The following TBL1X variants were observed in gnomAD, a reference collection of about 807,000 sequenced individuals.
TBL1X encodes the protein F-box-like/WD repeat-containing protein TBL1X.
Under a neutral mutation model 50.7 loss-of-function variants are expected in TBL1X, and 10 were observed. The ratio of observed to expected loss-of-function variants is 0.20; its 90% CI spans 0.12 to 0.33. The LOEUF (loss-of-function observed/expected upper bound fraction) is 0.33, where lower values mean the gene tolerates loss of function less well. TBL1X is among the 10% of genes least tolerant of loss of function. The probability of loss-of-function intolerance (pLI) is 1.00; values close to 1 mark genes in which losing one functional copy is unlikely to be tolerated. For synonymous variants in TBL1X, 190 were observed against 214.7 expected, an observed-to-expected ratio of 0.88 and a Z score of 1.01; for missense variants, 340 against 504.4, an observed-to-expected ratio of 0.67 and a Z score of 3.12.
At chrX:9,502,758 T>G (rs2082007613) in intron 2 of TBL1X, among the ~76,000 whole-genome samples, 1 of 112,573 alleles carries the variant, frequency 8.9e-6, no homozygotes, top group Admixed American at 9.4e-5. Context: ...AGATTTCTAG[T>G]CTCTTGCCCT....
rs773470817 is a variant in TBL1X at position 9,711,787 on chromosome X, G to A, written c.1605+11G>A. ...ATCTGGAATACTCAGGTAAGCTCCC[G>A]ACCCCTACACCAAATCCTTTTAGTA... On this transcript the variant is annotated intron_variant, in intron 16 of 17. Coordinates refer to ENST00000645353, the MANE Select transcript of TBL1X (RefSeq NM_005647.4). 22 of 1,184,224 alleles carry A rather than the reference G, an allele frequency of 1.9e-5. No individual in the cohort carries two copies. The highest frequency in any genetic ancestry group is 2.3e-5 in the Admixed American group (1 of 43,811).
intron 2 of TBL1X, among the ~76,000 whole-genome samples, chrX:9,601,994 A>G (rs1238124685): frequency 8.9e-6 from 1 of 112,051 alleles, no homozygotes; most frequent in Non-Finnish European, 1.9e-5. Flanking sequence ...CAGTGAGCCG[A>G]GATTGCGCCA....
At chrX:9,539,645 GGTT>G (rs1244758216) in intron 2 of TBL1X, among the ~76,000 whole-genome samples, 1 of 111,825 alleles carries the variant, frequency 8.9e-6, no homozygotes, top group Admixed American at 9.5e-5. Context: ...AGCACTTCTG[GGTT>G]GTTTTGTGAT....
At chrX:9,466,962 A>G (rs1249822558) in intron 1 of TBL1X, among the ~76,000 whole-genome samples, 1 of 111,727 alleles carries the variant, frequency 9.0e-6, no homozygotes, top group Non-Finnish European at 1.9e-5. Flanking sequence ...GCAAATATGG[A>G]GATTTGTGGT....
chrX:9,709,624 G>A lies in TBL1X; in HGVS notation c.1312-9G>A, dbSNP rs1259469113. On this transcript the variant is annotated splice_polypyrimidine_tract_variant and intron_variant, in intron 14 of 17. Coordinates refer to ENST00000645353, the MANE Select transcript of TBL1X (RefSeq NM_005647.4). ...CTTTTGCTCATGTTGTGTCTGGTGT[G>A]TTCTGTAGATCTGGAGCATGAAACA... is the stretch of plus-strand genomic sequence containing the variant. 1 of 1,207,560 alleles carries A rather than the reference G, an allele frequency of 8.3e-7. No homozygotes were observed. Among genetic ancestry groups the A allele is most frequent in the East Asian group, 3.0e-5 (1 of 33,706 alleles).
At chrX:9,493,742 C>G (rs1200831202) in intron 1 of TBL1X, among the ~76,000 whole-genome samples, 2 of 111,132 alleles carry the variant, frequency 1.8e-5, no homozygotes, top group East Asian at 5.6e-4. Context: ...GCACTTCAGC[C>G]TGGGCAACTG....
chrX:9,679,649 G>A (rs922922026), intron 5 of TBL1X, among the ~76,000 whole-genome samples: 1 of 112,043 alleles, frequency 8.9e-6, no homozygotes, highest in Non-Finnish European at 1.9e-5. Context: ...TTGTTCCTAC[G>A]GATGTCTTGT....
intron 16 of TBL1X, among the ~76,000 whole-genome samples, chrX:9,712,190 G>T (rs1264408384): frequency 5.3e-5 from 6 of 112,916 alleles, no homozygotes; most frequent in Middle Eastern, 4.6e-3. Flanking sequence ...GAAGGTGGGA[G>T]TGGGGGACCA....
At chrX:9,686,418 C>T (rs763047378) in intron 6 of TBL1X, among the ~76,000 whole-genome samples, 12 of 112,532 alleles carry the variant, frequency 1.1e-4, no homozygotes, top group Non-Finnish European at 1.7e-4. Context: ...AAGTGAGACG[C>T]CAGGGGCGGT....
intron 1 of TBL1X, among the ~76,000 whole-genome samples, chrX:9,491,305 T>TA (rs1403413703): frequency 2.7e-4 from 11 of 41,394 alleles, no homozygotes; most frequent in Non-Finnish European, 4.0e-4. Context: ...GGCCAGTATA[T>TA]TTATATATAT....
intron 2 of TBL1X, among the ~76,000 whole-genome samples, chrX:9,536,784 A>T (rs2082190053): frequency 9.0e-6 from 1 of 111,575 alleles, no homozygotes; most frequent in Non-Finnish European, 1.9e-5. Context: ...CCTCAGCAGA[A>T]GGGGAGCTGG....
In TBL1X at chrX:9,675,028, A is replaced by G. The variant is rs765885507; in HGVS notation, c.212-9015A>G. On this transcript the variant is annotated intron_variant, in intron 5 of 17. Transcript: ENST00000645353. ...CATTTAGTTCTATTGTTCGCATAAC[A>G]TACATTTAAATAGCTATTAAATTTC... Among the ~76,000 whole-genome samples, 11 of 112,231 alleles carry G rather than the reference A, an allele frequency of 9.8e-5. No individual in the cohort carries two copies. In the South Asian group the frequency reaches 4.0e-3, roughly 41 times the overall value.
chrX:9,483,750 C>T (rs1366588825), intron 1 of TBL1X, among the ~76,000 whole-genome samples: 1 of 97,354 alleles, frequency 1.0e-5, no homozygotes, highest in African/African-American at 3.7e-5. Flanking sequence ...CCAGGTGATA[C>T]TGAATCTATG....
At position 9,688,053 on chromosome X, in the gene TBL1X, C is replaced by T. The variant is rs766594681; in HGVS notation, c.394C>T (p.Leu132=). Residue 132 remains leucine (L), a synonymous_variant, in exon 7 of 18, where the codon CTG becomes TTG. Coordinates refer to ENST00000645353, the MANE Select transcript of TBL1X (RefSeq NM_005647.4). ...TVFDGRPIES[L]SLIDAVMPDV... is the part of the protein sequence containing the mutation. Reference sequence around the variant, plus strand: ...GTTCGACGGCCGCCCCATAGAGTCCCTGTCACTGATAGACGCCGTGATGCC... The same window carrying T: ...GTTCGACGGCCGCCCCATAGAGTCCTTGTCACTGATAGACGCCGTGATGCC... 8.3e-7 allele frequency: 1 copy of T among 1,210,846 alleles called. No homozygotes were observed. The highest frequency in any genetic ancestry group is 1.1e-6 in the Non-Finnish European group (1 of 894,926).
chrX:9,634,283 G>T (rs962263215), intron 2 of TBL1X, among the ~76,000 whole-genome samples: 1 of 110,788 alleles, frequency 9.0e-6, no homozygotes, highest in African/African-American at 3.3e-5. Context: ...ACATGGAGCT[G>T]CATGTCAGTG....
At chrX:9,707,313 T>C (rs1301860156) in intron 13 of TBL1X, among the ~76,000 whole-genome samples, 1 of 111,914 alleles carries the variant, frequency 8.9e-6, no homozygotes, top group Admixed American at 9.4e-5. Flanking sequence ...TAACATCTGT[T>C]TGGCTCCAAA....
intron 2 of TBL1X, among the ~76,000 whole-genome samples, chrX:9,529,904 C>G (rs1429194148): frequency 9.0e-6 from 1 of 110,754 alleles, no homozygotes; most frequent in Non-Finnish European, 1.9e-5. Context: ...CCATGGCACT[C>G]CAGCCTGGAC....
chrX:9,604,386 C>G (rs1002640423), intron 2 of TBL1X, among the ~76,000 whole-genome samples: 9 of 108,851 alleles, frequency 8.3e-5, no homozygotes, highest in African/African-American at 2.7e-4. Flanking sequence ...GCCGGGTAGA[C>G]TTTTTATTTC....
chrX:9,470,745 C>T (rs1293242113), intron 1 of TBL1X, among the ~76,000 whole-genome samples: 1 of 111,669 alleles, frequency 9.0e-6, no homozygotes, highest in African/African-American at 3.3e-5. Flanking sequence ...AGCAATTCTC[C>T]TGCCTCAGCC....
Sources: gnomAD v4.1 joint callset for allele counts (sites outside exome capture counted in the v4.1 genomes callset) on GRCh38, gnomAD v4.1.1 for gene constraint, MANE v1.5 for transcripts, NCBI Gene and HGNC (gene_info 2026-07-23, HGNC 2026-07-21) for gene names.